The following ARL3 variants were observed in gnomAD, a reference collection of about 807,000 sequenced individuals.
The protein encoded by ARL3 is ARF like GTPase 3.
Under a neutral mutation model 26.0 loss-of-function variants are expected in ARL3, and 9 were observed. That is an observed-to-expected ratio of 0.35 (90% CI 0.21 to 0.60). The LOEUF is 0.60. ARL3 is among the 20% of genes least tolerant of loss of function. ARL3 has a pLI of 0.78. For synonymous variants in ARL3, 71 were observed against 78.4 expected, an observed-to-expected ratio of 0.91 and a Z score of 0.50; for missense variants, 158 against 215.7, an observed-to-expected ratio of 0.73 and a Z score of 1.67.
At chr10:102,700,508 A>AGACT (rs1225113723) in intron 2 of ARL3, among the ~76,000 whole-genome samples, 1 of 149,780 alleles carries the variant, frequency 6.7e-6, no homozygotes, top group Non-Finnish European at 1.5e-5. Context: ...TCTGTTGCCC[A>AGACT]GACTGGAGTG....
At chr10:102,685,291 G>A (rs944846132) in intron 5 of ARL3, among the ~76,000 whole-genome samples, 13 of 148,288 alleles carry the variant, frequency 8.8e-5, no homozygotes, top group Middle Eastern at 3.5e-3. Flanking sequence ...CTGCTTTTCC[G>A]GTACACAGTT....
At chr10:102,698,421 T>C (rs2064261242) in intron 3 of ARL3, among the ~76,000 whole-genome samples, 1 of 152,204 alleles carries the variant, frequency 6.6e-6, no homozygotes, top group Non-Finnish European at 1.5e-5. Flanking sequence ...CTGCTATTAT[T>C]GCAGTTTATT....
intron 3 of ARL3, among the ~76,000 whole-genome samples, chr10:102,695,237 A>T (rs2064240784): frequency 6.6e-6 from 1 of 152,216 alleles, no homozygotes; most frequent in Non-Finnish European, 1.5e-5. Flanking sequence ...TGACATCTTA[A>T]TAATACTGAG....
At chr10:102,697,257 G>A (rs2064253493) in intron 3 of ARL3, among the ~76,000 whole-genome samples, 1 of 151,248 alleles carries the variant, frequency 6.6e-6, no homozygotes, top group Non-Finnish European at 1.5e-5. Context: ...TTGGCTCACC[G>A]CAATCTCCAC....
At chr10:102,700,460 A>G (rs2064273928) in intron 2 of ARL3, among the ~76,000 whole-genome samples, 1 of 151,042 alleles carries the variant, frequency 6.6e-6, no homozygotes, top group Non-Finnish European at 1.5e-5. Flanking sequence ...TGAACTTGAA[A>G]AGGAAGTCTT....
At chr10:102,706,286 CA>C (rs530233854) in intron 1 of ARL3, among the ~76,000 whole-genome samples, 101 of 152,074 alleles carry the variant, frequency 6.6e-4, no homozygotes, top group Admixed American at 2.8e-3. Flanking sequence ...CCTGTCTCTA[CA>C]AAAAATATAA....
intron 3 of ARL3, among the ~76,000 whole-genome samples, chr10:102,698,375 AGATG>A (rs978743429): frequency 2.0e-5 from 3 of 152,144 alleles, no homozygotes; most frequent in African/African-American, 7.2e-5. Context: ...CACCTGGTCT[AGATG>A]ATTTCTATTC....
At chr10:102,703,123 T>TC (rs2064289314) in intron 2 of ARL3, among the ~76,000 whole-genome samples, 1 of 144,522 alleles carries the variant, frequency 6.9e-6, no homozygotes, top group Admixed American at 6.9e-5. Flanking sequence ...CTTGTCTTTT[T>TC]TTTTTTTTTT....
chr10:102,701,879 A>T lies in ARL3; in HGVS notation c.148-2390T>A, dbSNP rs529467732. Among the ~76,000 whole-genome samples, 3 of 152,242 alleles carry T rather than the reference A, an allele frequency of 2.0e-5. No individual in the cohort carries two copies. In the East Asian group the frequency reaches 5.8e-4, roughly 29 times the overall value. On this transcript the variant is annotated intron_variant, in intron 2 of 5. Coordinates refer to ENST00000260746, the MANE Select transcript of ARL3 (RefSeq NM_004311.4). ...ATAATAACATAGAAAGATGTTCATG[A>T]TCTATTATTAAGTGAACAAGAGGAG...
chr10:102,690,886 C>CTTT (rs754286740), intron 3 of ARL3, among the ~76,000 whole-genome samples: 3 of 134,606 alleles, frequency 2.2e-5, no homozygotes, highest in African/African-American at 5.4e-5. Context: ...TTTCAAACCT[C>CTTT]TTTTTTTTTT....
chr10:102,714,289 CCCT>C lies in ARL3; in HGVS notation c.-17_-15del, dbSNP rs71019606. ...CACACTCACCATCCTCCCGCCGAGT[CCCT>C]CCTCCTCCTCCTCCTCCTGCTGCCT... is the stretch of plus-strand genomic sequence containing the variant. On this transcript the variant is annotated 5_prime_UTR_variant, in exon 1 of 6. Transcript: ENST00000260746. 0.12 allele frequency: 159,987 copies of C among 1,285,722 alleles called. 9,522 individuals are homozygous for C. Among genetic ancestry groups the C allele is most frequent in the Non-Finnish European group, 0.13 (133,802 of 1,001,762 alleles). The allele number at this position is 1,285,722 out of a possible 1,614,324, so 79.6% of individuals were successfully genotyped here.
chr10:102,681,383 A>C (rs1257662538), intron 5 of ARL3, among the ~76,000 whole-genome samples: 5 of 103,978 alleles, frequency 4.8e-5, no homozygotes, highest in Non-Finnish European at 7.7e-5. Flanking sequence ...GAAGAGCGAA[A>C]CTCCATCTCA....
At chr10:102,677,150 G>C (rs1326673067) in intron 5 of ARL3, among the ~76,000 whole-genome samples, 1 of 152,170 alleles carries the variant, frequency 6.6e-6, no homozygotes, top group East Asian at 1.9e-4. Flanking sequence ...GAGCACAAGA[G>C]GGCGATGGGA....
chr10:102,696,136 T>A (rs1262017575), intron 3 of ARL3, among the ~76,000 whole-genome samples: 1 of 151,796 alleles, frequency 6.6e-6, no homozygotes, highest in Non-Finnish European at 1.5e-5. Context: ...GCTATTTTTT[T>A]GTATTTTTTA....
chr10:102,677,870 T>C (rs1478630445), intron 5 of ARL3, among the ~76,000 whole-genome samples: 1 of 152,054 alleles, frequency 6.6e-6, no homozygotes, highest in Admixed American at 6.6e-5. Flanking sequence ...CAGCTACATC[T>C]GCACACATCA....
intron 4 of ARL3, among the ~76,000 whole-genome samples, chr10:102,689,234 AG>A (rs1331737198): frequency 2.0e-5 from 3 of 152,150 alleles, no homozygotes; most frequent in Non-Finnish European, 4.4e-5. Context: ...CTGAGGCAGG[AG>A]AATCACTTGA....
At chr10:102,685,046 A>G (rs182626398) in intron 5 of ARL3, among the ~76,000 whole-genome samples, 1,533 of 151,226 alleles carry the variant, frequency 0.01, 20 homozygotes, top group African/African-American at 0.033. Flanking sequence ...TCAGGAGTTC[A>G]AGACCAGCCT....
intron 2 of ARL3, among the ~76,000 whole-genome samples, chr10:102,701,729 T>C (rs1590126486): frequency 6.6e-6 from 1 of 152,168 alleles, no homozygotes; most frequent in African/African-American, 2.4e-5. Context: ...TGACCATATG[T>C]ATCAATGGGC....
At chr10:102,695,679 A>G (rs1396549943) in intron 3 of ARL3, among the ~76,000 whole-genome samples, 1 of 152,038 alleles carries the variant, frequency 6.6e-6, no homozygotes, top group Non-Finnish European at 1.5e-5. Flanking sequence ...CGCCACGCCC[A>G]GCTAATTTTG....
Sources: allele counts gnomAD v4.1 joint callset (sites outside exome capture counted in the v4.1 genomes callset), GRCh38; gene constraint gnomAD v4.1.1; transcripts MANE v1.5; gene names NCBI Gene and HGNC (gene_info 2026-07-23, HGNC 2026-07-21).